The following PCDHGB6 variants were observed in gnomAD, a reference collection of about 807,000 sequenced individuals.
PCDHGB6 encodes the protein protocadherin gamma-B6.
In PCDHGB6, 51 loss-of-function variants were observed where a neutral mutation model predicts 59.1. The ratio of observed to expected loss-of-function variants is 0.86; its 90% CI spans 0.69 to 1.09. The LOEUF (loss-of-function observed/expected upper bound fraction) is 1.09, where lower values mean the gene tolerates loss of function less well. PCDHGB6 is among the 50% of genes least tolerant of loss of function. The pLI is 0.00. For missense variants in PCDHGB6, 1,148 were observed against 1,205.1 expected (o/e 0.95, Z 0.70); for synonymous variants, 466 against 495.1 (o/e 0.94, Z 0.78).
chr5:141,498,103 G>C (rs2099781622), intron 2 of PCDHGB6, among the ~76,000 whole-genome samples: 1 of 152,216 alleles, frequency 6.6e-6, no homozygotes. Context: ...GGTGGTGTGG[G>C]CGTATAATAG....
chr5:141,486,169 A>T lies in PCDHGB6; in HGVS notation c.2419-8638A>T. On this transcript the variant is annotated intron_variant, in intron 1 of 3. Transcript: ENST00000520790. The surrounding 1 kb of genome is among the most constrained non-coding windows in gnomAD (Gnocchi z 5.0). ...ATGGGGGTTCTCCAGCCATGGAGCA[A>T]CATTGCAGCCTTCGAGTGGATCTGC... 1 of 1,614,206 alleles carries T rather than the reference A, an allele frequency of 6.2e-7. No homozygotes were observed. Among genetic ancestry groups the T allele is most frequent in the Non-Finnish European group, 8.5e-7 (1 of 1,180,032 alleles).
intron 1 of PCDHGB6, chr5:141,478,305 C>T (rs775282798): frequency 2.5e-6 from 4 of 1,614,092 alleles, no homozygotes; most frequent in East Asian, 2.2e-5. Flanking sequence ...TACCGAGCCC[C>T]GGTGAGCTCA....
intron 1 of PCDHGB6, among the ~76,000 whole-genome samples, chr5:141,468,186 A>G (rs2099159540): frequency 6.6e-6 from 1 of 151,848 alleles, no homozygotes; most frequent in African/African-American, 2.4e-5. Context: ...TTTGCTGGGC[A>G]TGGTGGCGGG....
rs953397576 is a variant in PCDHGB6, at chr5:141,410,111, G to A, written c.1909G>A (p.Ala637Thr). 6 of 1,612,264 alleles carry A rather than the reference G, an allele frequency of 3.7e-6. No homozygotes were observed. In the African/African-American group the frequency reaches 6.7e-5, roughly 18 times the overall value. Residue 637 changes from alanine (A) to threonine (T), a missense_variant, in exon 1 of 4, where the codon GCA becomes ACA. Transcript: ENST00000520790. ...GGCTCGAGCCTTAGGCGACAGGGACGCAGCCCGCCAGCGCCTGCTGGTCGC... is the reference window on the plus strand; with the variant it reads ...GGCTCGAGCCTTAGGCGACAGGGACACAGCCCGCCAGCGCCTGCTGGTCGC... ...RTARALGDRD[A>T]ARQRLLVAVR... is the part of the protein sequence containing the mutation.
At chr5:141,430,751 A>G in intron 1 of PCDHGB6, 1 of 1,496,066 alleles carries the variant, frequency 6.7e-7, no homozygotes, top group Non-Finnish European at 8.9e-7. Context: ...ATTCTGGAGG[A>G]AGATAAGAAT....
intron 2 of PCDHGB6, among the ~76,000 whole-genome samples, chr5:141,503,448 C>T (rs765046868): frequency 2.0e-5 from 3 of 151,808 alleles, no homozygotes; most frequent in South Asian, 2.1e-4. Context: ...TACAAAAATT[C>T]GCTGGGCATG....
intron 1 of PCDHGB6, chr5:141,415,051 C>G: frequency 6.2e-7 from 1 of 1,613,458 alleles, no homozygotes; most frequent in Non-Finnish European, 8.5e-7. Context: ...GGTGGGGGAG[C>G]ACACGGGCGA....
Position 141,485,057 on chromosome 5 carries a change from C to A in PCDHGB6, c.2419-9750C>A, listed in dbSNP as rs2099605934. ...GTAACCCTTGCGGCGCCGGCCGAACCGCGCCAGAGCTGGCGCGGGGAAAGG... is the reference window on the plus strand; with the variant it reads ...GTAACCCTTGCGGCGCCGGCCGAACAGCGCCAGAGCTGGCGCGGGGAAAGG... On this transcript the variant is annotated intron_variant, in intron 1 of 3. Coordinates refer to ENST00000520790, the MANE Select transcript of PCDHGB6 (RefSeq NM_018926.3). The surrounding 1 kb of genome is among the most constrained non-coding windows in gnomAD (Gnocchi z 5.7). The A allele has an allele frequency of 2.4e-6, 2 of 843,718 alleles. No homozygotes were observed. Among genetic ancestry groups the A allele is most frequent in the South Asian group, 1.7e-5 (1 of 59,950 alleles). 52.3% of individuals were successfully genotyped at this position (843,718 alleles called of 1,614,324 possible).
At chr5:141,503,023 A>T (rs1163676028) in intron 2 of PCDHGB6, among the ~76,000 whole-genome samples, 1 of 141,884 alleles carries the variant, frequency 7.0e-6, no homozygotes, top group African/African-American at 2.6e-5. Context: ...TTTTTTTTTT[A>T]ATATCTATTT....
intron 1 of PCDHGB6, among the ~76,000 whole-genome samples, chr5:141,456,818 G>A (rs1214373156): frequency 1.3e-5 from 2 of 151,890 alleles, no homozygotes; most frequent in Admixed American, 6.6e-5. Context: ...CAAAAAATTA[G>A]CCATCGTGGT....
intron 1 of PCDHGB6, chr5:141,428,912 T>C (rs1010303812): frequency 6.6e-6 from 1 of 151,946 alleles, no homozygotes; most frequent in Non-Finnish European, 1.5e-5. Context: ...TGGAGTGCAG[T>C]GGCATGATCT....
In PCDHGB6 at chr5:141,410,562, C is replaced by A. The variant is rs748563687; in HGVS notation, c.2360C>A (p.Ala787Asp). 3 of 1,612,718 alleles carry A rather than the reference C, an allele frequency of 1.9e-6. No homozygotes were observed. The highest frequency in any genetic ancestry group is 2.5e-6 in the Non-Finnish European group (3 of 1,179,880). ...EDMVCSVSPG[A>D]LIPPHGGEDL... Reference sequence around the variant, plus strand: ...ATGGTTTGCAGTGTTTCTCCTGGAGCCTTAATTCCACCTCATGGTGGGGAG... The same window carrying A: ...ATGGTTTGCAGTGTTTCTCCTGGAGACTTAATTCCACCTCATGGTGGGGAG... The change falls in exon 1 of 4, where the codon GCC (alanine) becomes GAC (aspartate). Residue 787 changes from alanine (A) to aspartate (D), a missense_variant. Physicochemically the swap from Ala to Asp is moderately radical, Grantham distance 126. Transcript: ENST00000520790.
chr5:141,438,627 T>TATAC (rs2098031123), intron 1 of PCDHGB6, among the ~76,000 whole-genome samples: 4 of 48,012 alleles, frequency 8.3e-5, no homozygotes, highest in Admixed American at 6.2e-4. Flanking sequence ...TATATATATA[T>TATAC]ATATATATAC....
At position 141,491,904 on chromosome 5, in the gene PCDHGB6, G is replaced by C; in HGVS notation, c.2419-2903G>C. The C allele has an allele frequency of 7.0e-7, 1 of 1,423,838 alleles. No individual in the cohort carries two copies. The allele number at this position is 1,423,838 out of a possible 1,614,324, so 88.2% of individuals were successfully genotyped here. ...GGATGGGGCTCCGAGCACCGGGGGT[G>C]GTGGCGACTGTGGGCGAGGGGAGGT... On this transcript the variant is annotated intron_variant, in intron 1 of 3. Coordinates refer to ENST00000520790, the MANE Select transcript of PCDHGB6 (RefSeq NM_018926.3). This position sits in a 1 kb window ranked among gnomAD's most constrained non-coding sequence, Gnocchi z 6.9.
intron 3 of PCDHGB6, among the ~76,000 whole-genome samples, chr5:141,510,504 G>A (rs371169260): frequency 1.3e-5 from 2 of 152,154 alleles, no homozygotes; most frequent in African/African-American, 4.8e-5. Flanking sequence ...AAGGAACTGA[G>A]AGCCCGTGTC....
Position 141,485,563 on chromosome 5 carries a change from C to T in PCDHGB6, c.2419-9244C>T, listed in dbSNP as rs746689576. The T allele has an allele frequency of 1.2e-5, 19 of 1,612,904 alleles. No homozygotes were observed. In the South Asian group the frequency reaches 1.6e-4, roughly 14 times the overall value. ...AGATCGTAGATGTGAATGATCACGCCCCCCGTTTTCCGCGGCAGCAGCTGG... is the reference window on the plus strand; with the variant it reads ...AGATCGTAGATGTGAATGATCACGCTCCCCGTTTTCCGCGGCAGCAGCTGG... On this transcript the variant is annotated intron_variant, in intron 1 of 3. Coordinates refer to ENST00000520790, the MANE Select transcript of PCDHGB6 (RefSeq NM_018926.3). This position sits in a 1 kb window ranked among gnomAD's most constrained non-coding sequence, Gnocchi z 5.7.
Position 141,489,087 on chromosome 5 carries a change from TGA to T in PCDHGB6, c.2419-5719_2419-5718del. The T allele has an allele frequency of 4.6e-6, 1 of 216,098 alleles. No individual in the cohort carries two copies. 13.4% of individuals were successfully genotyped at this position (216,098 alleles called of 1,614,324 possible). ...CCCCCTGCCCACCCCCGCCACTCGGTGACTAAGAACTGCTGCAAGCAGGCAAA... is the reference window on the plus strand; with the variant it reads ...CCCCCTGCCCACCCCCGCCACTCGGTCTAAGAACTGCTGCAAGCAGGCAAA... On this transcript the variant is annotated intron_variant, in intron 1 of 3. Transcript: ENST00000520790. The surrounding 1 kb of genome is among the most constrained non-coding windows in gnomAD (Gnocchi z 4.5).
rs143138320 is a variant in PCDHGB6 at position 141,489,458 on chromosome 5, G to C, written c.2419-5349G>C. The stretch of plus-strand genomic sequence containing the variant: ...CAATTGGGCTCTGAGGAGAATGGGC[G>C]CTATTTTTCCCTGAGCTTGATGAGT... On this transcript the variant is annotated intron_variant, in intron 1 of 3. Coordinates refer to ENST00000520790, the MANE Select transcript of PCDHGB6 (RefSeq NM_018926.3). The surrounding 1 kb of genome is among the most constrained non-coding windows in gnomAD (Gnocchi z 4.5). 3.7e-6 allele frequency: 6 copies of C among 1,613,924 alleles called. No individual in the cohort carries two copies. The highest frequency in any genetic ancestry group is 5.1e-6 in the Non-Finnish European group (6 of 1,180,000).
At chr5:141,458,217 T>C (rs1026901943) in intron 1 of PCDHGB6, among the ~76,000 whole-genome samples, 1 of 152,210 alleles carries the variant, frequency 6.6e-6, no homozygotes, top group Admixed American at 6.5e-5. Context: ...AAAATAAGTT[T>C]CCTTTCCCAG....
Sources: gnomAD v4.1 joint callset for allele counts (sites outside exome capture counted in the v4.1 genomes callset) on GRCh38, gnomAD v4.1.1 for gene constraint, Gnocchi (gnomAD v3.1) non-coding constraint, MANE v1.5 for transcripts, NCBI Gene and HGNC (gene_info 2026-07-23, HGNC 2026-07-21) for gene names.